Variants in PPEF1 observed in about 807,000 individuals in gnomAD.
The protein encoded by PPEF1 is serine/threonine-protein phosphatase with EF-hands 1.
A neutral mutation model predicts 53.3 loss-of-function variants in PPEF1; 12 were observed. The observed-to-expected ratio is 0.23, with a 90% CI of 0.14 to 0.36. The LOEUF (loss-of-function observed/expected upper bound fraction) is 0.36, where lower values mean the gene tolerates loss of function less well. Among genes scored for constraint, PPEF1 ranks in the 10% least tolerant of loss-of-function variants. The pLI is 1.00. For missense variants in PPEF1, 334 were observed against 490.4 expected, an observed-to-expected ratio of 0.68 and a Z score of 3.01; for synonymous variants, 165 against 176.7, an observed-to-expected ratio of 0.93 and a Z score of 0.52.
At chrX:18,739,895 G>C (rs947609455) in intron 3 of PPEF1, among the ~76,000 whole-genome samples, 1 of 112,432 alleles carries the variant, frequency 8.9e-6, no homozygotes, top group African/African-American at 3.2e-5. Flanking sequence ...TGCTGTGCTA[G>C]CAGTGAGCGA....
intron 10 of PPEF1, among the ~76,000 whole-genome samples, chrX:18,803,221 T>A (rs1452770876): frequency 2.7e-5 from 3 of 112,999 alleles, no homozygotes; most frequent in African/African-American, 9.6e-5. Flanking sequence ...TTGGGCTTGT[T>A]AACTGCAGCA....
At chrX:18,765,814 A>G (rs2045753170) in intron 6 of PPEF1, among the ~76,000 whole-genome samples, 2 of 111,127 alleles carry the variant, frequency 1.8e-5, no homozygotes, top group Non-Finnish European at 3.8e-5. Flanking sequence ...CTGCAATCCT[A>G]GCACTTCAGG....
chrX:18,790,698 AT>A (rs1006900995), intron 10 of PPEF1, among the ~76,000 whole-genome samples: 11 of 106,446 alleles, frequency 1.0e-4, no homozygotes, highest in African/African-American at 2.4e-4. Flanking sequence ...CCCAGCACCA[AT>A]TTTTTTTTTC....
intron 1 of PPEF1, among the ~76,000 whole-genome samples, chrX:18,720,285 T>C (rs1485231005): frequency 8.9e-6 from 1 of 111,890 alleles, no homozygotes; most frequent in Non-Finnish European, 1.9e-5. Context: ...CTATCTTTAC[T>C]TTTTCATACA....
rs763144032 is a variant in PPEF1, at chrX:18,682,984, C to T, written c.-655C>T. Among the ~76,000 whole-genome samples the T allele has an allele frequency of 9.9e-5, 11 of 111,531 alleles. No individual in the cohort carries two copies. In the South Asian group the frequency reaches 4.2e-3, roughly 43 times the overall value. On this transcript the variant is annotated 5_prime_UTR_variant, in exon 1 of 22. Coordinates refer to the PPEF1 transcript ENST00000361511. ...GGAGGATGAAGGAGGAGCAAAGGGA[C>T]GTCTTACATGCTGGCAGGCAAGAGA... is the stretch of plus-strand genomic sequence containing the variant.
chrX:18,679,198 C>T (rs1928786779), upstream of PPEF1, among the ~76,000 whole-genome samples: 1 of 112,071 alleles, frequency 8.9e-6, no homozygotes, highest in African/African-American at 3.2e-5. Flanking sequence ...CTCAGCCTCC[C>T]GAGTACTTGG....
intron 1 of PPEF1, among the ~76,000 whole-genome samples, chrX:18,719,508 G>A (rs2044534479): frequency 1.8e-5 from 2 of 109,595 alleles, no homozygotes; most frequent in Admixed American, 9.7e-5. Flanking sequence ...CACCATGCCC[G>A]GTTAATTGTT....
upstream of PPEF1, among the ~76,000 whole-genome samples, chrX:18,702,938 GC>G (rs1435365557): frequency 1.8e-5 from 2 of 111,241 alleles, no homozygotes; most frequent in Non-Finnish European, 3.8e-5. Context: ...CCCTGTGGAA[GC>G]CCCCCACCTC....
chrX:18,799,802 C>T (rs2147668942), intron 10 of PPEF1, among the ~76,000 whole-genome samples: 1 of 111,563 alleles, frequency 9.0e-6, no homozygotes, highest in Non-Finnish European at 1.9e-5. Flanking sequence ...GTGATCACCC[C>T]AAGGATCCTG....
At chrX:18,677,996 C>T (rs182777364), upstream of PPEF1, among the ~76,000 whole-genome samples, 1 of 109,779 alleles carries the variant, frequency 9.1e-6, no homozygotes, top group East Asian at 2.9e-4. Flanking sequence ...GGGGCGCTGC[C>T]AAACATCCTG....
intron 6 of PPEF1, among the ~76,000 whole-genome samples, chrX:18,701,092 C>G (rs1226818307): frequency 8.9e-6 from 1 of 112,182 alleles, no homozygotes; most frequent in Non-Finnish European, 1.9e-5. Context: ...GATGACGATA[C>G]TACCTTGAAA....
intron 5 of PPEF1, among the ~76,000 whole-genome samples, 177 bp from the exon 6 acceptor site, chrX:18,761,353 T>A (rs1408264026): frequency 2.7e-5 from 3 of 111,615 alleles, no homozygotes; most frequent in Non-Finnish European, 3.8e-5. Flanking sequence ...CTGTCCCCAC[T>A]ATAGGAGAGG....
intron 3 of PPEF1, among the ~76,000 whole-genome samples, chrX:18,748,953 A>G (rs765292207): frequency 4.5e-5 from 5 of 112,325 alleles, no homozygotes; most frequent in Non-Finnish European, 9.4e-5. Flanking sequence ...GAGTAGCTGC[A>G]AAAGTACATT....
At chrX:18,752,343 T>C (rs2045460819) in intron 4 of PPEF1, among the ~76,000 whole-genome samples, 1 of 111,561 alleles carries the variant, frequency 9.0e-6, no homozygotes, top group African/African-American at 3.3e-5. Flanking sequence ...TTGATGAATA[T>C]ACTTGTTAGC....
chrX:18,687,952 G>C, intron 3 of PPEF1, among the ~76,000 whole-genome samples: 1 of 111,547 alleles, frequency 9.0e-6, no homozygotes, highest in Middle Eastern at 4.7e-3. Context: ...GCCTCCCAAA[G>C]AGCTGGGATT....
rs752173049 is a variant in PPEF1 at position 18,757,691 on chromosome X, C to T, written c.461C>T (p.Pro154Leu). Residue 154 changes from proline (P) to leucine (L), a missense_variant, in exon 5 of 16, where the codon CCG (proline) becomes CTG (leucine). By Grantham distance (98) the Pro-to-Leu change is moderately conservative. Coordinates refer to ENST00000470157, the MANE Select transcript of PPEF1 (RefSeq NM_001377996.1). Reference protein sequence around the residue: ...FETKKVLKQMPNFTHIQTSPS... With the variant: ...FETKKVLKQMLNFTHIQTSPS... ...ACCAAGAAAGTCCTGAAGCAAATGC[C>T]GAATTTCACTCACATACAAACTTCT... is the stretch of plus-strand genomic sequence containing the variant. 2 of 1,210,702 alleles carry T rather than the reference C, an allele frequency of 1.7e-6. No homozygotes were observed. The highest frequency in any genetic ancestry group is 2.2e-6 in the Non-Finnish European group (2 of 894,858).
intron 7 of PPEF1, 56 bp from the exon 8 acceptor site, chrX:18,782,310 C>G: frequency 1.0e-6 from 1 of 993,097 alleles, no homozygotes; most frequent in Non-Finnish European, 1.4e-6. Context: ...TTTTGCATGA[C>G]TCATGGAAGT....
intron 8 of PPEF1, 23 bp from the exon 9 acceptor site, chrX:18,783,876 C>G: frequency 8.4e-7 from 1 of 1,194,881 alleles, no homozygotes; most frequent in Non-Finnish European, 1.1e-6. Flanking sequence ...AAAAACAAAA[C>G]TTACTCAAGC....
chrX:18,795,375 C>G (rs768665883), intron 10 of PPEF1, among the ~76,000 whole-genome samples: 1 of 112,236 alleles, frequency 8.9e-6, no homozygotes, highest in South Asian at 3.7e-4. Context: ...AAGCCCCTAA[C>G]ACTGCCATTC....
Sources: allele counts gnomAD v4.1 joint callset (sites outside exome capture counted in the v4.1 genomes callset), GRCh38; gene constraint gnomAD v4.1.1; transcripts MANE v1.5; gene names NCBI Gene and HGNC (gene_info 2026-07-23, HGNC 2026-07-21).